The following MYT1L variants were observed in gnomAD, a reference collection of about 807,000 sequenced individuals.
MYT1L encodes myelin transcription factor 1-like protein.
In MYT1L, 12 loss-of-function variants were observed where a neutral mutation model predicts 126.7. The observed-to-expected ratio is 0.09, with a 90% CI of 0.06 to 0.15. The LOEUF (loss-of-function observed/expected upper bound fraction) is 0.15. Among genes scored for constraint, MYT1L ranks in the 10% least tolerant of loss-of-function variants. MYT1L has a pLI of 1.00. For missense variants in MYT1L, 979 were observed against 1,585.2 expected, an observed-to-expected ratio of 0.62 and a Z score of 6.49; for synonymous variants, 541 against 604.2, an observed-to-expected ratio of 0.90 and a Z score of 1.53.
Position 1,791,273 on chromosome 2 carries a change from C to T in MYT1L, c.*594G>A. 1 of 465,414 alleles carries T rather than the reference C, an allele frequency of 2.1e-6. No homozygotes were observed. The highest frequency in any genetic ancestry group is 1.6e-5 in the South Asian group (1 of 62,600). The allele number at this position is 465,414 out of a possible 1,614,324, so 28.8% of individuals were successfully genotyped here. A position where few individuals can be genotyped will look rare whatever the true frequency, so the allele number is the denominator to read the frequency against. On this transcript the variant is annotated 3_prime_UTR_variant, in exon 25 of 25. Coordinates refer to ENST00000647738, the MANE Select transcript of MYT1L (RefSeq NM_001303052.2). This position sits in a 1 kb window ranked among gnomAD's most constrained non-coding sequence, Gnocchi z 6.0. Reference sequence around the variant, plus strand: ...CCATACACCATCCTCCTAAAACAAACAAACAAAAAAGTCACATAATATTTC... The same window carrying T: ...CCATACACCATCCTCCTAAAACAAATAAACAAAAAAGTCACATAATATTTC...
intron 18 of MYT1L, among the ~76,000 whole-genome samples, chr2:1,879,027 C>A (rs1359875382): frequency 6.6e-6 from 1 of 152,100 alleles, no homozygotes; most frequent in African/African-American, 2.4e-5. Context: ...CCTGAGTCAC[C>A]ACCCCTGGAA....
chr2:1,945,412 T>G (rs960952578), intron 8 of MYT1L, among the ~76,000 whole-genome samples: 16 of 151,820 alleles, frequency 1.1e-4, no homozygotes, highest in Non-Finnish European at 1.8e-4. Flanking sequence ...ATGAGACAGA[T>G]GAGAGAGGCC....
At chr2:2,271,164 C>G (rs1333464458) in intron 2 of MYT1L, among the ~76,000 whole-genome samples, 1 of 152,164 alleles carries the variant, frequency 6.6e-6, no homozygotes, top group East Asian at 1.9e-4. Context: ...TTGTTTTTCT[C>G]TGTCTCAACA....
At chr2:2,061,863 A>C (rs1276731673) in intron 3 of MYT1L, among the ~76,000 whole-genome samples, 1 of 152,202 alleles carries the variant, frequency 6.6e-6, no homozygotes, top group African/African-American at 2.4e-5. Context: ...TAGGGGTATA[A>C]TACCTCTACA....
chr2:2,311,378 GC>G, intron 1 of MYT1L, among the ~76,000 whole-genome samples: 1 of 152,206 alleles, frequency 6.6e-6, no homozygotes, highest in Non-Finnish European at 1.5e-5. Context: ...CTACTGCTCT[GC>G]CTTATCTAAT....
At chr2:2,123,298 C>A (rs1274575670) in intron 3 of MYT1L, among the ~76,000 whole-genome samples, 2 of 152,154 alleles carry the variant, frequency 1.3e-5, no homozygotes. Context: ...TAAAGCGAAT[C>A]CCTAGAACCT....
At chr2:1,945,159 C>T (rs1031049514) in intron 8 of MYT1L, among the ~76,000 whole-genome samples, 2 of 152,090 alleles carry the variant, frequency 1.3e-5, no homozygotes, top group Admixed American at 6.5e-5. Flanking sequence ...GTGGAGAGTC[C>T]GGCGGGGTCC....
At chr2:2,019,424 C>T (rs1376197894) in intron 4 of MYT1L, among the ~76,000 whole-genome samples, 3 of 152,162 alleles carry the variant, frequency 2.0e-5, no homozygotes, top group Non-Finnish European at 4.4e-5. Flanking sequence ...ACTCAGTCTT[C>T]GGTATGTCTT....
chr2:1,997,103 G>A (rs918592815), intron 5 of MYT1L, 88 bp downstream of exon 5: 1 of 149,160 alleles, frequency 6.7e-6, no homozygotes, highest in Non-Finnish European at 1.5e-5. Flanking sequence ...GTACAGAACC[G>A]AGTGTAGACG....
chr2:1,985,622 G>A (rs991034645), intron 5 of MYT1L, among the ~76,000 whole-genome samples: 1 of 152,312 alleles, frequency 6.6e-6, no homozygotes, highest in East Asian at 1.9e-4. Flanking sequence ...GTATTATCAT[G>A]AAACCCTAAA....
chr2:2,017,914 C>G (rs991969429), intron 4 of MYT1L, among the ~76,000 whole-genome samples: 1 of 152,130 alleles, frequency 6.6e-6, no homozygotes, highest in Admixed American at 6.5e-5. Flanking sequence ...ATTTAAGTAC[C>G]TGTTTCACCT....
chr2:2,017,267 G>GCAAAATGCTA (rs1330226348), intron 4 of MYT1L, among the ~76,000 whole-genome samples: 1 of 152,220 alleles, frequency 6.6e-6, no homozygotes, highest in African/African-American at 2.4e-5. Context: ...GTAGCATTCT[G>GCAAAATGCTA]CATCTTCTCA....
intron 1 of MYT1L, among the ~76,000 whole-genome samples, chr2:2,314,804 G>C: frequency 6.6e-6 from 1 of 152,126 alleles, no homozygotes; most frequent in East Asian, 1.9e-4. Flanking sequence ...AATGAAAACA[G>C]TATGGTACTG....
At chr2:2,219,226 C>T (rs1054562332) in intron 2 of MYT1L, among the ~76,000 whole-genome samples, 12 of 152,192 alleles carry the variant, frequency 7.9e-5, no homozygotes, top group South Asian at 2.1e-4. Flanking sequence ...TGAGCAGAAG[C>T]GCTCCATTTA....
intron 9 of MYT1L, among the ~76,000 whole-genome samples, chr2:1,940,463 C>T (rs540052892): frequency 8.7e-5 from 13 of 149,668 alleles, no homozygotes; most frequent in African/African-American, 2.7e-4. Context: ...CTCTCTGTGG[C>T]TGCACCCTGC....
chr2:1,996,978 C>T (rs1301566363), intron 5 of MYT1L, among the ~76,000 whole-genome samples: 6 of 145,366 alleles, frequency 4.1e-5, no homozygotes, highest in Admixed American at 6.8e-5. Flanking sequence ...CGAGTGTAGA[C>T]GGGCCGCCTT....
In MYT1L at chr2:1,791,596, C is replaced by T; in HGVS notation, c.*271G>A. Reference sequence around the variant, plus strand: ...CTTACCTCTTCAGAAATAGATATACCCCCAAATGTGCATACATCAGCAGCT... The same window carrying T: ...CTTACCTCTTCAGAAATAGATATACTCCCAAATGTGCATACATCAGCAGCT... On this transcript the variant is annotated 3_prime_UTR_variant, in exon 25 of 25. Transcript: ENST00000647738. The surrounding 1 kb of genome is among the most constrained non-coding windows in gnomAD (Gnocchi z 6.0). 2.4e-6 allele frequency: 1 copy of T among 421,890 alleles called. No individual in the cohort carries two copies. Among genetic ancestry groups the T allele is most frequent in the Non-Finnish European group, 4.2e-6 (1 of 235,478 alleles). The allele number at this position is 421,890 out of a possible 1,614,324, so 26.1% of individuals were successfully genotyped here.
rs527692836 is a variant in MYT1L, at chr2:1,937,381, C to T, written c.505+5601G>A. Reference sequence around the variant, plus strand: ...CACAGCGAGAAGGCCCTAATGTCCGCGGCCATCAGATCGCACAGCGAGAAA... The same window carrying T: ...CACAGCGAGAAGGCCCTAATGTCCGTGGCCATCAGATCGCACAGCGAGAAA... On this transcript the variant is annotated intron_variant, in intron 9 of 24. Coordinates refer to ENST00000647738, the MANE Select transcript of MYT1L (RefSeq NM_001303052.2). Among the ~76,000 whole-genome samples, 23 of 152,224 alleles carry T rather than the reference C, an allele frequency of 1.5e-4. 2 individuals are homozygous for T. The highest frequency in any genetic ancestry group is 3.1e-4 in the African/African-American group (13 of 41,548).
In MYT1L at chr2:1,852,188, G is replaced by A. The variant is rs375744048; in HGVS notation, c.2712-485C>T. Among the ~76,000 whole-genome samples, 3 of 152,162 alleles carry A rather than the reference G, an allele frequency of 2.0e-5. No individual in the cohort carries two copies. The highest frequency in any genetic ancestry group is 2.1e-4 in the South Asian group (1 of 4,822). Reference sequence around the variant, plus strand: ...CCTTCCACAGACTGGCCAGGGCTGCGGCCAGCCTGGGTGGTCCCAGGGAGC... The same window carrying A: ...CCTTCCACAGACTGGCCAGGGCTGCAGCCAGCCTGGGTGGTCCCAGGGAGC... On this transcript the variant is annotated intron_variant, in intron 18 of 24. Transcript: ENST00000647738. The surrounding 1 kb of genome is among the most constrained non-coding windows in gnomAD (Gnocchi z 4.0).
Sources: allele counts gnomAD v4.1 joint callset (sites outside exome capture counted in the v4.1 genomes callset), GRCh38; gene constraint gnomAD v4.1.1; non-coding constraint Gnocchi (gnomAD v3.1); transcripts MANE v1.5; gene names NCBI Gene and HGNC (gene_info 2026-07-23, HGNC 2026-07-21).